INTS10: variants seen among roughly 807,000 people sequenced by gnomAD.
INTS10 encodes chromosome 8 open reading frame 35.
Under a neutral mutation model 94.4 loss-of-function variants are expected in INTS10, and 44 were observed. The ratio of observed to expected loss-of-function variants is 0.47; its 90% CI spans 0.37 to 0.60. The LOEUF is 0.60. Among genes scored for constraint, INTS10 ranks in the 20% least tolerant of loss-of-function variants. The pLI, the probability that INTS10 is intolerant of heterozygous loss-of-function variation, is 0.00. For synonymous variants in INTS10, 341 were observed against 320.7 expected (o/e 1.06, Z -0.68); for missense variants, 797 against 868.7 (o/e 0.92, Z 1.04).
intron 13 of INTS10, among the ~76,000 whole-genome samples, chr8:19,840,062 CAAAAAAAAA>C (rs56275270): frequency 2.8e-5 from 2 of 70,332 alleles, no homozygotes; most frequent in Non-Finnish European, 5.1e-5. Flanking sequence ...GACCTTGTCT[CAAAAAAAAA>C]AAAAAAAAAA....
Position 19,849,089 on chromosome 8 carries a change from T to C in INTS10, c.1977-2560T>C, listed in dbSNP as rs2068810763. 2 of 616,060 alleles carry C rather than the reference T, an allele frequency of 3.2e-6. No individual in the cohort carries two copies. The highest frequency in any genetic ancestry group is 5.3e-6 in the Non-Finnish European group (2 of 376,754). The allele number at this position is 616,060 out of a possible 1,614,324, so 38.2% of individuals were successfully genotyped here. ...TGCTTCTAGTCTTGTGTATTTTCTC[T>C]GGAGTGTTGTTTTTGCAGTGCAGGG... On this transcript the variant is annotated intron_variant, in intron 16 of 16. Transcript: ENST00000397977. This position sits in a 1 kb window ranked among gnomAD's most constrained non-coding sequence, Gnocchi z 4.6.
chr8:19,833,552 A>T lies in INTS10; in HGVS notation c.1530+231A>T, dbSNP rs780011709. 1.7e-3 allele frequency among the ~76,000 whole-genome samples: 259 copies of T among 151,928 alleles called. 2 individuals carry two copies. The highest frequency in any genetic ancestry group is 3.2e-3 in the Non-Finnish European group (217 of 67,946). ...TCAGTACTTTTTACATTTCTTGTTC[A>T]TTGTTCCATTTGTTGGAGGATTTTT... On this transcript the variant is annotated intron_variant, in intron 12 of 16. Coordinates refer to ENST00000397977, the MANE Select transcript of INTS10 (RefSeq NM_018142.4).
At chr8:19,845,381 C>T (rs1222897220) in intron 15 of INTS10, 6 of 227,074 alleles carry the variant, frequency 2.6e-5, no homozygotes, top group African/African-American at 4.4e-5. Context: ...TAATTATTAT[C>T]GATATGGAAA....
At chr8:19,824,154 A>AT (rs2066611381) in intron 7 of INTS10, 110 bp downstream of exon 7, 6 of 838,234 alleles carry the variant, frequency 7.2e-6, no homozygotes, top group Non-Finnish European at 1.1e-5. Context: ...TTTTGGGCAA[A>AT]TTTTGTGACA....
chr8:19,823,879 A>C lies in INTS10; in HGVS notation c.671A>C (p.Gln224Pro), dbSNP rs2066587178. 2 of 1,598,926 alleles carry C rather than the reference A, an allele frequency of 1.3e-6. No homozygotes were observed. Among genetic ancestry groups the C allele is most frequent in the South Asian group, 2.3e-5 (2 of 88,080 alleles). Residue 224 changes from glutamine to proline, a missense_variant, in exon 7 of 17, where the codon CAG (glutamine) becomes CCG (proline). This residue lies in a region of INTS10 where 734 missense variants were observed against 787.8 expected (regional missense o/e 0.93). Transcript: ENST00000397977. ...TQIENQHQGA[Q>P]DTSDLMSPSK... ...CTTTTTTCTTACATCTCAGGCGCCCAGGATACATCTGATTTAATGTCACCT... is the reference window on the plus strand; with the variant it reads ...CTTTTTTCTTACATCTCAGGCGCCCCGGATACATCTGATTTAATGTCACCT...
At chr8:19,835,800 G>T (rs774418278) in intron 12 of INTS10, among the ~76,000 whole-genome samples, 15 of 152,214 alleles carry the variant, frequency 9.9e-5, no homozygotes, top group Non-Finnish European at 1.5e-4. Context: ...GGGGCAGTCA[G>T]CCATGACCTA....
chr8:19,849,252 A>G lies in INTS10; in HGVS notation c.1977-2397A>G, dbSNP rs573062593. 4.8e-5 allele frequency: 61 copies of G among 1,277,656 alleles called. No individual in the cohort carries two copies. The highest frequency in any genetic ancestry group is 5.1e-6 in the Non-Finnish European group (5 of 978,084). 79.1% of individuals were successfully genotyped at this position (1,277,656 alleles called of 1,614,324 possible). ...AGACTGCTGACAGGTACCAAGTGGA[A>G]TCAACGCCCGCTCATAGTGTGCTGT... On this transcript the variant is annotated intron_variant, in intron 16 of 16. Coordinates refer to ENST00000397977, the MANE Select transcript of INTS10 (RefSeq NM_018142.4). The surrounding 1 kb of genome is among the most constrained non-coding windows in gnomAD (Gnocchi z 4.6).
At position 19,826,493 on chromosome 8, in the gene INTS10, A is replaced by G. The variant is rs777743180; in HGVS notation, c.1074A>G (p.Val358=). Residue 358 remains valine, a synonymous_variant, in exon 9 of 17, where the codon GTA becomes GTG. Coordinates refer to ENST00000397977, the MANE Select transcript of INTS10 (RefSeq NM_018142.4). ...ATGTATCGAATGTGTATGGTGATGT[A>G]GAAATTGATCGTAATAAACACATCC... is the stretch of plus-strand genomic sequence containing the variant. ...LEDVSNVYGD[V]EIDRNKHIHK... 6.2e-6 allele frequency: 10 copies of G among 1,613,354 alleles called. No homozygotes were observed. The highest frequency in any genetic ancestry group is 8.5e-6 in the Non-Finnish European group (10 of 1,179,726).
At chr8:19,844,940 C>G (rs2068450755) in intron 15 of INTS10, among the ~76,000 whole-genome samples, 1 of 151,886 alleles carries the variant, frequency 6.6e-6, no homozygotes, top group Admixed American at 6.6e-5. Context: ...CTGTGTCACC[C>G]AGGCTGGAGT....
At chr8:19,833,496 C>T (rs907496082) in intron 12 of INTS10, among the ~76,000 whole-genome samples, 175 bp downstream of exon 12, 1 of 152,170 alleles carries the variant, frequency 6.6e-6, no homozygotes, top group African/African-American at 2.4e-5. Flanking sequence ...ACGTAATTTT[C>T]TCTTTACTAC....
At chr8:19,830,606 T>G in intron 10 of INTS10, 47 bp downstream of exon 10, 1 of 1,521,852 alleles carries the variant, frequency 6.6e-7, no homozygotes, top group Non-Finnish European at 9.0e-7. Context: ...TTATATAAAA[T>G]CATTACGCTA....
In INTS10 at chr8:19,846,377, G is replaced by T. The variant is rs1347921551; in HGVS notation, c.1976+580G>T. On this transcript the variant is annotated intron_variant, in intron 16 of 16. Transcript: ENST00000397977. This position sits in a 1 kb window ranked among gnomAD's most constrained non-coding sequence, Gnocchi z 4.2. ...GAACCCAGGAGGTGGAGGTTGCAGT[G>T]AGCCGAGGTCGCGCCATTACACTCC... 6.6e-6 allele frequency among the ~76,000 whole-genome samples: 1 copy of T among 151,758 alleles called. No homozygotes were observed. The highest frequency in any genetic ancestry group is 1.5e-5 in the Non-Finnish European group (1 of 67,980).
Position 19,822,477 on chromosome 8 carries a change from T to C in INTS10, c.480T>C (p.Ile160=). ...LGEALLEAET[I]EEQESPVNCF... ...AGGCACTATTAGAGGCTGAAACTAT[T>C]GAAGAACAAGAATCTCCAGTGAACT... is the stretch of plus-strand genomic sequence containing the variant. The change falls in exon 5 of 17, where the codon ATT becomes ATC. Residue 160 remains isoleucine, a synonymous_variant. Coordinates refer to ENST00000397977, the MANE Select transcript of INTS10 (RefSeq NM_018142.4). 7 of 1,612,414 alleles carry C rather than the reference T, an allele frequency of 4.3e-6. No individual in the cohort carries two copies. Among genetic ancestry groups the C allele is most frequent in the Non-Finnish European group, 5.9e-6 (7 of 1,178,542 alleles).
chr8:19,817,495 C>G lies in INTS10; in HGVS notation c.-43C>G, dbSNP rs1294785090. On this transcript the variant is annotated 5_prime_UTR_variant, in exon 1 of 17. Coordinates refer to ENST00000397977, the MANE Select transcript of INTS10 (RefSeq NM_018142.4). ...TGGCGGCTGAGAGTCCAGAGCCGGA[C>G]GTTCCGGCCGCTTCGGGCTGGCGGC... 1 of 1,586,982 alleles carries G rather than the reference C, an allele frequency of 6.3e-7. No homozygotes were observed. Among genetic ancestry groups the G allele is most frequent in the East Asian group, 2.3e-5 (1 of 43,928 alleles).
chr8:19,848,073 C>T (rs2128813270), intron 16 of INTS10, among the ~76,000 whole-genome samples: 1 of 152,306 alleles, frequency 6.6e-6, no homozygotes, highest in African/African-American at 2.4e-5. Flanking sequence ...TTACTTATGC[C>T]TAAATTAACA....
At chr8:19,833,060 CTT>C (rs2067361279) in intron 11 of INTS10, 107 bp from the exon 12 acceptor site, 3 of 882,144 alleles carry the variant, frequency 3.4e-6, no homozygotes, top group Non-Finnish European at 5.0e-6. Context: ...AAGCTACCGT[CTT>C]TGTATAGTTG....
At chr8:19,821,816 T>G (rs1295675878) in intron 4 of INTS10, 1 of 152,276 alleles carries the variant, frequency 6.6e-6, no homozygotes, top group Non-Finnish European at 1.5e-5. Context: ...CCTTTCACCT[T>G]CTGTGTGATG....
At position 19,823,965 on chromosome 8, in the gene INTS10, G is replaced by A. The variant is rs774442726; in HGVS notation, c.757G>A (p.Val253Met). 10 of 1,613,578 alleles carry A rather than the reference G, an allele frequency of 6.2e-6. No individual in the cohort carries two copies. The highest frequency in any genetic ancestry group is 1.7e-5 in the Admixed American group (1 of 59,978). The stretch of plus-strand genomic sequence containing the variant: ...GCTGACGGAAAAATCATCCCAGATC[G>A]TGGACCCTTGGGAGAGGTTGTTTAA... ...EGLTEKSSQI[V>M]DPWERLFKIL... The change falls in exon 7 of 17, where the codon GTG (valine) becomes ATG (methionine). Residue 253 changes from valine to methionine, a missense_variant. Transcript: ENST00000397977.
At chr8:19,845,848 C>A in intron 16 of INTS10, 51 bp downstream of exon 16, 3 of 1,266,742 alleles carry the variant, frequency 2.4e-6, no homozygotes, top group Non-Finnish European at 3.5e-6. Flanking sequence ...CCTTTTGTGT[C>A]TTTGTATGAA....
Sources: allele counts gnomAD v4.1 joint callset (sites outside exome capture counted in the v4.1 genomes callset), GRCh38; gene constraint gnomAD v4.1.1; regional missense constraint gnomAD v4.1.1; non-coding constraint Gnocchi (gnomAD v3.1); transcripts MANE v1.5; gene names NCBI Gene and HGNC (gene_info 2026-07-23, HGNC 2026-07-21).